Variants in CHP1 observed in about 807,000 individuals in gnomAD.
The protein encoded by CHP1 is calcineurin like EF-hand protein 1.
Under a neutral mutation model 27.4 loss-of-function variants are expected in CHP1, and 11 were observed. The observed-to-expected ratio is 0.40, with a 90% CI of 0.25 to 0.67. The LOEUF (loss-of-function observed/expected upper bound fraction) is 0.67. Ranked by LOEUF, CHP1 falls within the 30% of genes least tolerant of loss-of-function variation. The pLI, the probability that CHP1 is intolerant of heterozygous loss-of-function variation, is 0.38. For synonymous variants in CHP1, 89 were observed against 87.4 expected, an observed-to-expected ratio of 1.02 and a Z score of -0.10; for missense variants, 169 against 251.3, an observed-to-expected ratio of 0.67 and a Z score of 2.22.
intron 1 of CHP1, among the ~76,000 whole-genome samples, chr15:41,235,354 C>CA (rs1279072325): frequency 6.6e-6 from 1 of 151,918 alleles, no homozygotes; most frequent in African/African-American, 2.4e-5. Context: ...CCCATCTCTA[C>CA]AAAAAAATAA....
rs148170113 is a variant in CHP1, at chr15:41,270,478, A to G, written c.350-79A>G. 91 of 1,030,804 alleles carry G rather than the reference A, an allele frequency of 8.8e-5. No individual in the cohort carries two copies. In the African/African-American group the frequency reaches 1.3e-3, roughly 15 times the overall value. The allele number at this position is 1,030,804 out of a possible 1,614,324, so 63.9% of individuals were successfully genotyped here. A position where few individuals can be genotyped will look rare whatever the true frequency, so the allele number is the denominator to read the frequency against. On this transcript the variant is annotated intron_variant, in intron 4 of 6. Coordinates refer to ENST00000334660, the MANE Select transcript of CHP1 (RefSeq NM_007236.5). ...TTAATTGGCTGTCAGTTTTCTGTCT[A>G]GTGTCTTATATATTTAGTTCCTTGA... is the stretch of plus-strand genomic sequence containing the variant.
chr15:41,234,614 T>G (rs962700880), intron 1 of CHP1, among the ~76,000 whole-genome samples: 2 of 152,228 alleles, frequency 1.3e-5, no homozygotes, highest in African/African-American at 4.8e-5. Context: ...TGAATAACAG[T>G]AAGTGTTTGG....
At chr15:41,261,907 G>A (rs1187277381) in intron 3 of CHP1, among the ~76,000 whole-genome samples, 2 of 151,692 alleles carry the variant, frequency 1.3e-5, no homozygotes, top group East Asian at 1.9e-4. Context: ...CAGGAGAATC[G>A]CTTGAACCAG....
chr15:41,250,283 T>G (rs1183843873), intron 2 of CHP1, among the ~76,000 whole-genome samples: 1 of 152,152 alleles, frequency 6.6e-6, no homozygotes, highest in Non-Finnish European at 1.5e-5. Flanking sequence ...ACATGGACCA[T>G]CTCTTCAGAT....
At chr15:41,259,139 CA>C (rs1382999926) in intron 3 of CHP1, among the ~76,000 whole-genome samples, 6 of 152,082 alleles carry the variant, frequency 3.9e-5, no homozygotes, top group Admixed American at 3.9e-4. Flanking sequence ...TTTACCCCTG[CA>C]AAGCATTGAA....
chr15:41,243,182 A>G lies in CHP1; in HGVS notation c.68-485A>G, dbSNP rs186924606. 2.9e-3 allele frequency among the ~76,000 whole-genome samples: 445 copies of G among 152,042 alleles called. 1 individual carries two copies. The highest frequency in any genetic ancestry group is 4.9e-3 in the Non-Finnish European group (330 of 67,980). ...TGGCGAAACCCCGTCTCTACTAAAAATACAAAAAATTAGCTGGGTGTGGTG... is the reference window on the plus strand; with the variant it reads ...TGGCGAAACCCCGTCTCTACTAAAAGTACAAAAAATTAGCTGGGTGTGGTG... On this transcript the variant is annotated intron_variant, in intron 1 of 6. Transcript: ENST00000334660.
At chr15:41,277,791 GAAA>G (rs559045538) in intron 5 of CHP1, among the ~76,000 whole-genome samples, 3 of 117,928 alleles carry the variant, frequency 2.5e-5, no homozygotes, top group African/African-American at 3.3e-5. Context: ...TCCGCCTCAG[GAAA>G]AAAAAAAAAA....
intron 2 of CHP1, among the ~76,000 whole-genome samples, chr15:41,252,399 C>T (rs1024701677): frequency 6.6e-6 from 1 of 151,048 alleles, no homozygotes; most frequent in Non-Finnish European, 1.5e-5. Flanking sequence ...TAACTCCTGA[C>T]CTCATGATCC....
chr15:41,276,189 C>T (rs1292301265), intron 5 of CHP1, among the ~76,000 whole-genome samples: 2 of 148,366 alleles, frequency 1.3e-5, no homozygotes, highest in Non-Finnish European at 3.0e-5. Context: ...TGCAGTAAGC[C>T]AAGATCGTGC....
At chr15:41,238,150 G>C (rs1595470195) in intron 1 of CHP1, among the ~76,000 whole-genome samples, 1 of 151,192 alleles carries the variant, frequency 6.6e-6, no homozygotes, top group South Asian at 2.1e-4. Flanking sequence ...GTCTTTTTTT[G>C]TTTTTTTGGC....
Position 41,277,867 on chromosome 15 carries a change from G to A in CHP1, c.412-900G>A, listed in dbSNP as rs189413363. ...TTCCTTGGGGGAGGCTGAGGTGAGAGGATCACTTGAGCTTCGGAGGTGAGG... is the reference window on the plus strand; with the variant it reads ...TTCCTTGGGGGAGGCTGAGGTGAGAAGATCACTTGAGCTTCGGAGGTGAGG... On this transcript the variant is annotated intron_variant, in intron 5 of 6. Transcript: ENST00000334660. 2.6e-5 allele frequency among the ~76,000 whole-genome samples: 4 copies of A among 151,658 alleles called. No homozygotes were observed. In the East Asian group the frequency reaches 7.7e-4, roughly 29 times the overall value.
chr15:41,236,257 T>C (rs1028946531), intron 1 of CHP1, among the ~76,000 whole-genome samples: 1 of 151,898 alleles, frequency 6.6e-6, no homozygotes, highest in African/African-American at 2.4e-5. Flanking sequence ...ACCTGATTTT[T>C]AATTTTTATT....
chr15:41,243,627 G>C, intron 1 of CHP1, 40 bp from the exon 2 acceptor site: 1 of 1,580,260 alleles, frequency 6.3e-7, no homozygotes, highest in Non-Finnish European at 8.7e-7. Context: ...GTGAATGAGG[G>C]CTACTTCCCC....
chr15:41,272,774 CGCAGTGGCTCAT>C (rs2047497087), intron 5 of CHP1, among the ~76,000 whole-genome samples: 1 of 151,946 alleles, frequency 6.6e-6, no homozygotes, highest in Non-Finnish European at 1.5e-5. Flanking sequence ...AGGGGCCAGG[CGCAGTGGCTCAT>C]GCCTGTAATC....
rs541116454 is a variant in CHP1, at chr15:41,258,315, A to G, written c.221+1325A>G. Among the ~76,000 whole-genome samples, 21 of 152,290 alleles carry G rather than the reference A, an allele frequency of 1.4e-4. 1 individual carries two copies. The highest frequency in any genetic ancestry group is 4.8e-4 in the African/African-American group (20 of 41,568). ...TTACATATCCATAGTATAGTTATCT[A>G]CTTCAGTAAACTTAACATTGATACA... is the stretch of plus-strand genomic sequence containing the variant. On this transcript the variant is annotated intron_variant, in intron 3 of 6. Coordinates refer to ENST00000334660, the MANE Select transcript of CHP1 (RefSeq NM_007236.5).
chr15:41,272,109 G>A (rs1379874041), intron 5 of CHP1: 1 of 152,084 alleles, frequency 6.6e-6, no homozygotes, highest in African/African-American at 2.4e-5. Flanking sequence ...TGGTGCCATG[G>A]GTGGGTACAT....
At chr15:41,242,297 A>G (rs771198793) in intron 1 of CHP1, among the ~76,000 whole-genome samples, 1 of 152,192 alleles carries the variant, frequency 6.6e-6, no homozygotes, top group African/African-American at 2.4e-5. Flanking sequence ...TGCTTGGTGT[A>G]GGAGTAAACC....
intron 3 of CHP1, among the ~76,000 whole-genome samples, chr15:41,258,255 A>G (rs1211803120): frequency 1.3e-5 from 2 of 152,162 alleles, no homozygotes; most frequent in Non-Finnish European, 2.9e-5. Flanking sequence ...CTCTGAATGC[A>G]CCAGTGTGTG....
intron 2 of CHP1, among the ~76,000 whole-genome samples, chr15:41,245,209 C>G (rs375458645): frequency 2.6e-5 from 4 of 152,318 alleles, no homozygotes; most frequent in African/African-American, 9.6e-5. Context: ...GCCTGTAATT[C>G]TAGCACTTTG....
Sources: gnomAD v4.1 joint callset for allele counts (sites outside exome capture counted in the v4.1 genomes callset) on GRCh38, gnomAD v4.1.1 for gene constraint, MANE v1.5 for transcripts, NCBI Gene and HGNC (gene_info 2026-07-23, HGNC 2026-07-21) for gene names.